The following XKR5 variants were observed in gnomAD, a reference collection of about 807,000 sequenced individuals.
XKR5 encodes XK-related protein 5.
Under a neutral mutation model 40.8 loss-of-function variants are expected in XKR5, and 46 were observed. That is an observed-to-expected ratio of 1.13 (90% CI 0.89 to 1.44). XKR5 has a LOEUF of 1.44. Among genes scored for constraint, XKR5 ranks in the 40% most tolerant of loss-of-function variants. The pLI is 0.00. For synonymous variants in XKR5, 466 were observed against 356.1 expected, an observed-to-expected ratio of 1.31 and a Z score of -3.48; for missense variants, 1,169 against 844.7, an observed-to-expected ratio of 1.38 and a Z score of -4.76.
chr8:6,826,534 C>G (rs1804488809), intron 2 of XKR5, among the ~76,000 whole-genome samples: 1 of 152,060 alleles, frequency 6.6e-6, no homozygotes, highest in Admixed American at 6.6e-5. Context: ...GTTGCAGTGG[C>G]TTTGAGGTTT....
In XKR5 at chr8:6,811,309, C is replaced by A. The variant is rs887377990; in HGVS notation, c.1950G>T (p.Gln650His). 3 of 1,537,218 alleles carry A rather than the reference C, an allele frequency of 2.0e-6. No homozygotes were observed. In the Admixed American group the frequency reaches 5.9e-5, roughly 30 times the overall value. Residue 650 changes from glutamine to histidine, a missense_variant, in exon 7 of 7, where the codon CAG (glutamine) becomes CAT (histidine). Transcript: ENST00000618742. ...AAVGVWVSLPQLRTAHEPCLT... is the reference protein window; with the variant it reads ...AAVGVWVSLPHLRTAHEPCLT... ...GGCAGGGCTCATGGGCAGTCCTCAG[C>A]TGTGGCAATGACACCCACACACCAA...
In XKR5 at chr8:6,835,501, G is replaced by A. The variant is rs1804977241; in HGVS notation, c.-8C>T. 2.0e-6 allele frequency: 3 copies of A among 1,496,794 alleles called. No individual in the cohort carries two copies. The highest frequency in any genetic ancestry group is 1.8e-6 in the Non-Finnish European group (2 of 1,129,412). 92.7% of individuals were successfully genotyped at this position (1,496,794 alleles called of 1,614,324 possible). A position where few individuals can be genotyped will look rare whatever the true frequency, so the allele number is the denominator to read the frequency against. Reference sequence around the variant, plus strand: ...CAGGAGCCTCGCGTGCATCTTCCGTGCCGACCCCGCAGCCTGCGCCCGCCC... The same window carrying A: ...CAGGAGCCTCGCGTGCATCTTCCGTACCGACCCCGCAGCCTGCGCCCGCCC... On this transcript the variant is annotated 5_prime_UTR_variant, in exon 1 of 7. Coordinates refer to ENST00000618742, the MANE Select transcript of XKR5 (RefSeq NM_207411.5).
chr8:6,829,898 T>G (rs1563362744), intron 2 of XKR5, among the ~76,000 whole-genome samples: 1 of 128,124 alleles, frequency 7.8e-6, no homozygotes, highest in East Asian at 2.5e-4. Flanking sequence ...AGTCCAGTGA[T>G]GCAATCTCGG....
At chr8:6,824,748 C>A (rs1804383823) in intron 3 of XKR5, among the ~76,000 whole-genome samples, 1 of 152,110 alleles carries the variant, frequency 6.6e-6, no homozygotes, top group South Asian at 2.1e-4. Flanking sequence ...GTCTTGAGCT[C>A]CTGGGCTCAA....
At chr8:6,828,649 T>A (rs1563361696) in intron 2 of XKR5, among the ~76,000 whole-genome samples, 1 of 152,196 alleles carries the variant, frequency 6.6e-6, no homozygotes, top group South Asian at 2.1e-4. Flanking sequence ...AGTCGCTGCA[T>A]CATTCCAGGT....
At chr8:6,817,528 C>T (rs1437150050) in intron 5 of XKR5, among the ~76,000 whole-genome samples, 1 of 151,986 alleles carries the variant, frequency 6.6e-6, no homozygotes, top group African/African-American at 2.4e-5. Flanking sequence ...CTTGAACAAA[C>T]ACTGACCGAG....
Position 6,812,113 on chromosome 8 carries a change from C to G in XKR5, c.1146G>C (p.Gln382His). The change falls in exon 7 of 7, where the codon CAG becomes CAC. Residue 382 changes from glutamine (Q) to histidine (H), a missense_variant. By Grantham distance (24) the Gln-to-His change is conservative (BLOSUM62 0). Coordinates refer to ENST00000618742, the MANE Select transcript of XKR5 (RefSeq NM_207411.5). ...TCCCCAGCCCAGCCTCTGGGGGGAC[C>G]TGCTCAGGGGTAGGGGGCTTCCCTA... ...TILGKPPTPE[Q>H]VPPEAGLGTQ... 2 of 1,547,116 alleles carry G rather than the reference C, an allele frequency of 1.3e-6. No individual in the cohort carries two copies. Among genetic ancestry groups the G allele is most frequent in the Non-Finnish European group, 8.7e-7 (1 of 1,146,996 alleles).
At position 6,814,553 on chromosome 8, in the gene XKR5, A is replaced by G. The variant is rs142823787; in HGVS notation, c.919+1254T>C. ...GGTTCTCCCTGCACCTCGACGTACT[A>G]CTTTGAGATCCTGGCTGTGATGTTG... On this transcript the variant is annotated intron_variant, in intron 6 of 6. Coordinates refer to ENST00000618742, the MANE Select transcript of XKR5 (RefSeq NM_207411.5). 3.9e-3 allele frequency among the ~76,000 whole-genome samples: 600 copies of G among 152,282 alleles called. 2 individuals are homozygous for G. The highest frequency in any genetic ancestry group is 0.024 in the Middle Eastern group (7 of 294).
chr8:6,832,953 G>C (rs1368395478), intron 1 of XKR5, 53 bp from the exon 2 acceptor site: 1 of 1,426,002 alleles, frequency 7.0e-7, no homozygotes, highest in Non-Finnish European at 9.3e-7. Context: ...GAGTGAGACT[G>C]GGTACCTGCA....
intron 5 of XKR5, among the ~76,000 whole-genome samples, chr8:6,819,578 C>G (rs1804129038): frequency 6.6e-6 from 1 of 152,214 alleles, no homozygotes; most frequent in South Asian, 2.1e-4. Context: ...CTGCCCAGCA[C>G]TGCCTGGCAC....
intron 2 of XKR5, among the ~76,000 whole-genome samples, chr8:6,832,229 G>C (rs775396053): frequency 2.6e-5 from 4 of 151,916 alleles, no homozygotes; most frequent in Non-Finnish European, 4.4e-5. Flanking sequence ...ACTATCCCTG[G>C]CTACTTCTTT....
In XKR5 at chr8:6,832,770, T is replaced by A. The variant is rs1326036985; in HGVS notation, c.189A>T (p.Pro63=). The change falls in exon 2 of 7, where the codon CCA becomes CCT. Residue 63 remains proline, a synonymous_variant. Transcript: ENST00000618742. ...GCAGCATCATCAAGGAGCAATGCCC[T>A]GGATGCCCGTCTGCTCGGAACCACA... ...SYLWFRADGH[P]GHCSLMMLHL... 1 of 1,613,316 alleles carries A rather than the reference T, an allele frequency of 6.2e-7. No homozygotes were observed. Among genetic ancestry groups the A allele is most frequent in the East Asian group, 2.2e-5 (1 of 44,860 alleles).
intron 4 of XKR5, among the ~76,000 whole-genome samples, chr8:6,823,000 C>T (rs1288618865): frequency 6.6e-6 from 1 of 152,200 alleles, no homozygotes; most frequent in Admixed American, 6.5e-5. Flanking sequence ...AGTTTTTCTA[C>T]ATAAAAGATT....
chr8:6,811,341 C>T lies in XKR5; in HGVS notation c.1918G>A (p.Ala640Thr), dbSNP rs998747236. The change falls in exon 7 of 7, where the codon GCA (alanine) becomes ACA (threonine). Residue 640 changes from alanine to threonine, a missense_variant. Ala to Thr is a moderately conservative substitution (Grantham distance 58). Transcript: ENST00000618742. Reference sequence around the variant, plus strand: ...AATGACACCCACACACCAACAGCTGCATGGTGACTTAGCTCCCTTTTGGGC... The same window carrying T: ...AATGACACCCACACACCAACAGCTGTATGGTGACTTAGCTCCCTTTTGGGC... ...LEPKRELSHH[A>T]AVGVWVSLPQ... 3 of 1,537,262 alleles carry T rather than the reference C, an allele frequency of 2.0e-6. No individual in the cohort carries two copies. In the African/African-American group the frequency reaches 4.1e-5, roughly 21 times the overall value.
chr8:6,820,581 A>C (rs1804183908), intron 5 of XKR5, among the ~76,000 whole-genome samples: 1 of 115,162 alleles, frequency 8.7e-6, no homozygotes, highest in Admixed American at 1.0e-4. Context: ...GAGAAAATCA[A>C]TATTCCACTT....
intron 5 of XKR5, among the ~76,000 whole-genome samples, chr8:6,818,568 A>G (rs1282135221): frequency 1.3e-5 from 2 of 152,376 alleles, no homozygotes; most frequent in East Asian, 3.9e-4. Context: ...AGTGATCAAC[A>G]GGCAGGCTTC....
chr8:6,816,007 C>G (rs1490145596), intron 5 of XKR5, 89 bp from the exon 6 acceptor site: 3 of 937,710 alleles, frequency 3.2e-6, no homozygotes, highest in African/African-American at 1.6e-5. Context: ...GGCTCCCCCT[C>G]CCCTCCATCC....
intron 6 of XKR5, among the ~76,000 whole-genome samples, chr8:6,814,001 A>C (rs1803850305): frequency 6.6e-6 from 1 of 152,134 alleles, no homozygotes; most frequent in Admixed American, 6.5e-5. Context: ...AATCCAGATG[A>C]GTTGTTAGAC....
rs549511683 is a variant in XKR5, at chr8:6,821,803, A to C, written c.807+66T>G. ...GCACACACACACACACCCCCCACAC[A>C]CACCCACACACACCCCACTTGCTGT... On this transcript the variant is annotated intron_variant, in intron 5 of 6. Coordinates refer to ENST00000618742, the MANE Select transcript of XKR5 (RefSeq NM_207411.5). 10 of 1,453,062 alleles carry C rather than the reference A, an allele frequency of 6.9e-6. No individual in the cohort carries two copies. In the Admixed American group the frequency reaches 1.5e-4, roughly 21 times the overall value. 90.0% of individuals were successfully genotyped at this position (1,453,062 alleles called of 1,614,324 possible).
Sources: allele counts gnomAD v4.1 joint callset (sites outside exome capture counted in the v4.1 genomes callset), GRCh38; gene constraint gnomAD v4.1.1; transcripts MANE v1.5; gene names NCBI Gene and HGNC (gene_info 2026-07-23, HGNC 2026-07-21).